The following HS2ST1 variants were observed in gnomAD, a reference collection of about 807,000 sequenced individuals.
The protein encoded by HS2ST1 is 2-O-sulfotransferase.
In HS2ST1, 18 loss-of-function variants were observed where a neutral mutation model predicts 42.9. That is an observed-to-expected ratio of 0.42 (90% CI 0.29 to 0.62). HS2ST1 has a LOEUF of 0.62. Among genes scored for constraint, HS2ST1 ranks in the 20% least tolerant of loss-of-function variants. The pLI is 0.21. For synonymous variants in HS2ST1, 146 were observed against 152.9 expected, an observed-to-expected ratio of 0.95 and a Z score of 0.33; for missense variants, 334 against 433.8, an observed-to-expected ratio of 0.77 and a Z score of 2.04.
At chr1:86,968,034 C>G (rs912109114) in intron 1 of HS2ST1, among the ~76,000 whole-genome samples, 2 of 152,132 alleles carry the variant, frequency 1.3e-5, no homozygotes, top group African/African-American at 4.8e-5. Flanking sequence ...ATTTGCATTT[C>G]CCTGATGATT....
At chr1:87,100,618 A>C (rs1157447919) in intron 5 of HS2ST1, among the ~76,000 whole-genome samples, 1 of 150,160 alleles carries the variant, frequency 6.7e-6, no homozygotes, top group Non-Finnish European at 1.5e-5. Context: ...TTCCTTCCCT[A>C]TTCCCTGCCC....
chr1:87,096,956 C>G (rs1045957154), intron 4 of HS2ST1, among the ~76,000 whole-genome samples: 1 of 152,188 alleles, frequency 6.6e-6, no homozygotes, highest in Non-Finnish European at 1.5e-5. Flanking sequence ...AATAAAACCA[C>G]TTTTTAGAAA....
chr1:87,084,515 T>C (rs1476281983), intron 3 of HS2ST1, among the ~76,000 whole-genome samples: 1 of 152,126 alleles, frequency 6.6e-6, no homozygotes, highest in African/African-American at 2.4e-5. Context: ...AAGTTTATTA[T>C]TATTGTGTGT....
At chr1:86,916,083 C>T (rs1660150896) in intron 1 of HS2ST1, among the ~76,000 whole-genome samples, 1 of 152,024 alleles carries the variant, frequency 6.6e-6, no homozygotes, top group African/African-American at 2.4e-5. Flanking sequence ...AAAGACAGGC[C>T]AGAAAAAAGC....
intron 5 of HS2ST1, among the ~76,000 whole-genome samples, chr1:87,101,147 G>GTTTTTTTTTT: frequency 1.3e-5 from 1 of 75,892 alleles, no homozygotes; most frequent in Non-Finnish European, 2.5e-5. Context: ...GTGTGTGTGT[G>GTTTTTTTTTT]TGTTTTTTGT....
chr1:87,035,127 G>T (rs1650340548), intron 1 of HS2ST1, among the ~76,000 whole-genome samples: 2 of 152,148 alleles, frequency 1.3e-5, no homozygotes, highest in Admixed American at 6.5e-5. Context: ...GGATTTTAGG[G>T]AATGTATTTT....
chr1:86,929,994 C>T (rs1356848808), intron 1 of HS2ST1, among the ~76,000 whole-genome samples: 1 of 151,798 alleles, frequency 6.6e-6, no homozygotes, highest in Non-Finnish European at 1.5e-5. Flanking sequence ...GCTTCAAACA[C>T]TATTAACTCA....
At position 86,959,256 on chromosome 1, in the gene HS2ST1, A is replaced by G. The variant is rs2102195153; in HGVS notation, c.124+44096A>G. Among the ~76,000 whole-genome samples, 2 of 152,350 alleles carry G rather than the reference A, an allele frequency of 1.3e-5. 1 individual carries two copies. The highest frequency in any genetic ancestry group is 4.1e-4 in the South Asian group (2 of 4,826). On this transcript the variant is annotated intron_variant, in intron 1 of 6. Coordinates refer to ENST00000370550, the MANE Select transcript of HS2ST1 (RefSeq NM_012262.4). ...TTAATGCAATAAGACAGGAAAAGAAAATAAAAGGTATACCGATTGAGAAGG... is the reference window on the plus strand; with the variant it reads ...TTAATGCAATAAGACAGGAAAAGAAGATAAAAGGTATACCGATTGAGAAGG...
chr1:86,923,186 T>A (rs1660336064), intron 1 of HS2ST1, among the ~76,000 whole-genome samples: 1 of 152,226 alleles, frequency 6.6e-6, no homozygotes, highest in South Asian at 2.1e-4. Flanking sequence ...AATATAGGTC[T>A]TTAAAAAATT....
chr1:87,068,810 GTTAT>G (rs1475470858), intron 1 of HS2ST1, among the ~76,000 whole-genome samples: 1 of 151,928 alleles, frequency 6.6e-6, no homozygotes, highest in Non-Finnish European at 1.5e-5. Flanking sequence ...AAAAGAAAAT[GTTAT>G]TTAACATACA....
chr1:86,945,428 A>G (rs980328803), intron 1 of HS2ST1, among the ~76,000 whole-genome samples: 24 of 152,210 alleles, frequency 1.6e-4, no homozygotes, highest in African/African-American at 4.3e-4. Flanking sequence ...AATTATGACA[A>G]CAGTTTTGTG....
At chr1:86,936,736 C>G (rs1225731377) in intron 1 of HS2ST1, among the ~76,000 whole-genome samples, 1 of 151,988 alleles carries the variant, frequency 6.6e-6, no homozygotes, top group African/African-American at 2.4e-5. Flanking sequence ...TAGAAAAGAT[C>G]AATTGTAAAC....
chr1:86,935,960 A>G (rs1034905621), intron 1 of HS2ST1, among the ~76,000 whole-genome samples: 99 of 152,280 alleles, frequency 6.5e-4, no homozygotes, highest in African/African-American at 2.2e-3. Flanking sequence ...AAACACAGGA[A>G]ATCGATGGTG....
At chr1:86,979,611 G>C (rs952549253) in intron 1 of HS2ST1, among the ~76,000 whole-genome samples, 2 of 152,044 alleles carry the variant, frequency 1.3e-5, no homozygotes, top group Non-Finnish European at 2.9e-5. Flanking sequence ...ATCTATTCAC[G>C]GACACTTGGA....
rs1460978364 is a variant in HS2ST1 at position 87,105,464 on chromosome 1, G to A, written c.*768G>A. On this transcript the variant is annotated 3_prime_UTR_variant, in exon 7 of 7. Transcript: ENST00000370550. ...TATCAAAAAAGTAAGTTTAGTATTT[G>A]TTTCTCCATGGGTTATTTGTAAAGC... is the stretch of plus-strand genomic sequence containing the variant. 1.3e-5 allele frequency: 2 copies of A among 152,204 alleles called. No homozygotes were observed. Among genetic ancestry groups the A allele is most frequent in the African/African-American group, 4.8e-5 (2 of 41,422 alleles). The allele number at this position is 152,204 out of a possible 1,614,324, so 9.4% of individuals were successfully genotyped here. A position where few individuals can be genotyped will look rare whatever the true frequency, so the allele number is the denominator to read the frequency against.
chr1:86,998,756 ATG>A (rs976181306), intron 1 of HS2ST1, among the ~76,000 whole-genome samples: 1 of 152,194 alleles, frequency 6.6e-6, no homozygotes, highest in Non-Finnish European at 1.5e-5. Context: ...AATTCAATAA[ATG>A]TAATATTTTT....
At chr1:87,013,229 T>C (rs1649654176) in intron 1 of HS2ST1, among the ~76,000 whole-genome samples, 1 of 152,242 alleles carries the variant, frequency 6.6e-6, no homozygotes, top group African/African-American at 2.4e-5. Context: ...GCCCCACGAC[T>C]GTAGCACACC....
chr1:87,067,780 G>C (rs550659909), intron 1 of HS2ST1, among the ~76,000 whole-genome samples: 1 of 152,074 alleles, frequency 6.6e-6, no homozygotes, highest in Non-Finnish European at 1.5e-5. Context: ...TCAGTTCTCT[G>C]TATATGGCTA....
rs74404275 is a variant in HS2ST1, at chr1:87,060,419, C to G, written c.125-12515C>G. On this transcript the variant is annotated intron_variant, in intron 1 of 6. Coordinates refer to ENST00000370550, the MANE Select transcript of HS2ST1 (RefSeq NM_012262.4). Reference sequence around the variant, plus strand: ...CCTATAATAGAAATAGACAAAATCTCAGACAATCAGTATAATGTGGAACAT... The same window carrying G: ...CCTATAATAGAAATAGACAAAATCTGAGACAATCAGTATAATGTGGAACAT... 9.0e-3 allele frequency among the ~76,000 whole-genome samples: 1,372 copies of G among 152,224 alleles called. 22 individuals are homozygous for G. The highest frequency in any genetic ancestry group is 0.032 in the African/African-American group (1,321 of 41,534).
Sources: gnomAD v4.1 joint callset for allele counts (sites outside exome capture counted in the v4.1 genomes callset) on GRCh38, gnomAD v4.1.1 for gene constraint, MANE v1.5 for transcripts, NCBI Gene and HGNC (gene_info 2026-07-23, HGNC 2026-07-21) for gene names.